Variants in PALM2AKAP2 observed in about 807,000 individuals in gnomAD.
PALM2AKAP2 encodes the protein PALM2-AKAP2 fusion protein.
A neutral mutation model predicts 71.5 loss-of-function variants in PALM2AKAP2; 37 were observed. The ratio of observed to expected loss-of-function variants is 0.52; its 90% CI spans 0.40 to 0.68. PALM2AKAP2 has a LOEUF of 0.68. PALM2AKAP2 is among the 30% of genes least tolerant of loss of function. PALM2AKAP2 has a pLI of 0.00. For missense variants in PALM2AKAP2, 1,224 were observed against 1,191.8 expected (o/e 1.03, Z -0.40); for synonymous variants, 468 against 478.8 (o/e 0.98, Z 0.29).
chr9:109,706,913 TG>T (rs1283645526), intron 1 of PALM2AKAP2, among the ~76,000 whole-genome samples: 1 of 152,060 alleles, frequency 6.6e-6, no homozygotes, highest in Non-Finnish European at 1.5e-5. Context: ...TGGGCTGGGG[TG>T]GGAAGTGACT....
chr9:109,822,859 T>C (rs1828047110), intron 1 of PALM2AKAP2, among the ~76,000 whole-genome samples: 1 of 152,202 alleles, frequency 6.6e-6, no homozygotes, highest in African/African-American at 2.4e-5. Flanking sequence ...GGTAGAATGA[T>C]GTATATTCCT....
intron 1 of PALM2AKAP2, among the ~76,000 whole-genome samples, chr9:110,093,753 T>G (rs1834769823): frequency 6.6e-6 from 1 of 152,180 alleles, no homozygotes; most frequent in Non-Finnish European, 1.5e-5. Context: ...ACTACCCTGT[T>G]TCCTTCACTA....
intron 6 of PALM2AKAP2, among the ~76,000 whole-genome samples, chr9:109,966,337 T>G (rs1831948338): frequency 6.6e-6 from 1 of 152,130 alleles, no homozygotes; most frequent in Admixed American, 6.5e-5. Context: ...TTGATAGACT[T>G]AAGATATCAA....
chr9:109,765,655 T>G (rs958159548), intron 1 of PALM2AKAP2: 2 of 152,352 alleles, frequency 1.3e-5, no homozygotes, highest in African/African-American at 2.4e-5. Flanking sequence ...AAAAGTCTGA[T>G]GTGCAGTCAC....
intron 3 of PALM2AKAP2, among the ~76,000 whole-genome samples, chr9:109,906,865 A>G (rs756040936): frequency 1.1e-4 from 16 of 152,226 alleles, no homozygotes; most frequent in Admixed American, 2.0e-4. Context: ...TTTCCGAATC[A>G]GACTCATTAG....
At chr9:109,913,755 CTTTTTTTT>C (rs35024326) in intron 3 of PALM2AKAP2, among the ~76,000 whole-genome samples, 120 of 102,946 alleles carry the variant, frequency 1.2e-3, no homozygotes, top group East Asian at 2.0e-3. Context: ...ATGCTTATTT[CTTTTTTTT>C]TTTTTTTTTT....
intron 1 of PALM2AKAP2, among the ~76,000 whole-genome samples, chr9:110,104,434 T>A (rs892016261): frequency 7.9e-5 from 12 of 152,186 alleles, no homozygotes; most frequent in Non-Finnish European, 1.2e-4. Flanking sequence ...AGTTAACAGT[T>A]AATTCGCTTG....
intron 1 of PALM2AKAP2, among the ~76,000 whole-genome samples, chr9:109,858,421 T>G (rs897049539): frequency 1.3e-5 from 2 of 152,178 alleles, no homozygotes. Context: ...CACTGTGGAA[T>G]GTTAGTGATG....
chr9:109,909,420 C>A (rs1427482850), intron 3 of PALM2AKAP2, among the ~76,000 whole-genome samples: 4 of 152,140 alleles, frequency 2.6e-5, no homozygotes, highest in Non-Finnish European at 4.4e-5. Flanking sequence ...AGTTGAGAAA[C>A]AATTTATGTG....
At chr9:110,025,250 C>A in intron 7 of PALM2AKAP2, 1 of 1,143,662 alleles carries the variant, frequency 8.7e-7, no homozygotes, top group South Asian at 1.2e-5. Context: ...ACAATATCAC[C>A]TTTCTTATAG....
chr9:110,152,699 AGGACCTCTGGCTGCAAACTCT>A (rs1280315163), intron 2 of PALM2AKAP2, among the ~76,000 whole-genome samples: 2 of 152,164 alleles, frequency 1.3e-5, no homozygotes, highest in South Asian at 2.1e-4. Flanking sequence ...CCTAATGGAG[AGGACCTCTGGCTGCAAACTCT>A]GGACCTCTGA....
At chr9:109,652,746 G>A (rs747116505) in intron 1 of PALM2AKAP2, among the ~76,000 whole-genome samples, 2 of 152,144 alleles carry the variant, frequency 1.3e-5, no homozygotes, top group African/African-American at 2.4e-5. Context: ...GGTACAAATA[G>A]GAGTAAGACA....
chr9:109,921,831 A>T (rs1830837950), intron 3 of PALM2AKAP2, among the ~76,000 whole-genome samples: 1 of 152,174 alleles, frequency 6.6e-6, no homozygotes, highest in African/African-American at 2.4e-5. Flanking sequence ...TAGGACTTCT[A>T]CTTTTACCCT....
At chr9:109,931,423 A>T (rs924906460) in intron 5 of PALM2AKAP2, among the ~76,000 whole-genome samples, 2 of 152,218 alleles carry the variant, frequency 1.3e-5, no homozygotes, top group African/African-American at 4.8e-5. Flanking sequence ...AATGCATATA[A>T]AATTGGTCTT....
rs552439222 is a variant in PALM2AKAP2 at position 109,868,539 on chromosome 9, T to G, written c.126+968T>G. On this transcript the variant is annotated intron_variant, in intron 2 of 9. Coordinates refer to the PALM2AKAP2 transcript ENST00000302798. ...TGATGCTCGGTATGAATTATCTAGA[T>G]TTTTTTCAACAAGATAAACCTTTAT... is the stretch of plus-strand genomic sequence containing the variant. Among the ~76,000 whole-genome samples, 7 of 152,250 alleles carry G rather than the reference T, an allele frequency of 4.6e-5. No homozygotes were observed. The South Asian group carries it at 1.5e-3, about 32-fold the overall frequency.
At chr9:110,052,025 C>T (rs1447358346) in intron 1 of PALM2AKAP2, among the ~76,000 whole-genome samples, 1 of 152,072 alleles carries the variant, frequency 6.6e-6, no homozygotes, top group Non-Finnish European at 1.5e-5. Context: ...GCCTCAGCCT[C>T]CCAAATAGCT....
intron 1 of PALM2AKAP2, among the ~76,000 whole-genome samples, chr9:109,650,581 T>A (rs2132232183): frequency 6.6e-6 from 1 of 152,312 alleles, no homozygotes; most frequent in African/African-American, 2.4e-5. Context: ...CATGCCTGGC[T>A]AATTTTTAAA....
At chr9:109,824,410 A>C (rs1204680215) in intron 1 of PALM2AKAP2, among the ~76,000 whole-genome samples, 5 of 152,160 alleles carry the variant, frequency 3.3e-5, no homozygotes, top group Non-Finnish European at 7.4e-5. Context: ...GACAGGAGTG[A>C]TGTCTGATCA....
At chr9:109,665,526 A>G (rs552612025) in intron 1 of PALM2AKAP2, among the ~76,000 whole-genome samples, 177 of 152,304 alleles carry the variant, frequency 1.2e-3, no homozygotes, top group African/African-American at 4.0e-3. Flanking sequence ...AGGCTGCAGA[A>G]CAGCAAATAT....
Sources: allele counts gnomAD v4.1 joint callset (sites outside exome capture counted in the v4.1 genomes callset), GRCh38; gene constraint gnomAD v4.1.1; transcripts MANE v1.5; gene names NCBI Gene and HGNC (gene_info 2026-07-23, HGNC 2026-07-21).